XKR6: variants seen among roughly 807,000 people sequenced by gnomAD.
XKR6 encodes XK related 6.
Under a neutral mutation model 56.7 loss-of-function variants are expected in XKR6, and 22 were observed. The observed-to-expected ratio is 0.39, with a 90% CI of 0.28 to 0.55. The LOEUF (loss-of-function observed/expected upper bound fraction) is 0.55, where lower values mean the gene tolerates loss of function less well. Among genes scored for constraint, XKR6 ranks in the 20% least tolerant of loss-of-function variants. The pLI, the probability that XKR6 is intolerant of heterozygous loss-of-function variation, is 0.66. For synonymous variants in XKR6, 524 were observed against 387.8 expected (o/e 1.35, Z -4.13); for missense variants, 852 against 889.0 (o/e 0.96, Z 0.53).
intron 1 of XKR6, among the ~76,000 whole-genome samples, chr8:11,163,611 T>C (rs1298070440): frequency 6.6e-6 from 1 of 152,266 alleles, no homozygotes; most frequent in Non-Finnish European, 1.5e-5. Context: ...AAATATGCAC[T>C]GAATGTGGTC....
chr8:10,991,198 C>G (rs1490983290), intron 1 of XKR6, among the ~76,000 whole-genome samples: 1 of 152,134 alleles, frequency 6.6e-6, no homozygotes, highest in Non-Finnish European at 1.5e-5. Context: ...GCCACCCCAG[C>G]TGGGAATGTC....
intron 1 of XKR6, among the ~76,000 whole-genome samples, chr8:11,132,178 A>G (rs971254160): frequency 2.0e-5 from 3 of 152,056 alleles, no homozygotes; most frequent in African/African-American, 7.3e-5. Flanking sequence ...TACTTTGAAA[A>G]GCCTGATCTC....
intron 1 of XKR6, among the ~76,000 whole-genome samples, chr8:10,965,476 A>C (rs1315932118): frequency 6.6e-6 from 1 of 152,158 alleles, no homozygotes; most frequent in Non-Finnish European, 1.5e-5. Flanking sequence ...GTGCGCAGAG[A>C]ACATTTTGCT....
intron 1 of XKR6, among the ~76,000 whole-genome samples, chr8:11,053,354 G>A (rs978091638): frequency 1.3e-4 from 20 of 152,204 alleles, no homozygotes; most frequent in South Asian, 8.3e-4. Context: ...TCCCGTGAGC[G>A]GCCTGACTCC....
At chr8:10,921,903 G>A (rs566646135) in intron 2 of XKR6, among the ~76,000 whole-genome samples, 23 of 152,238 alleles carry the variant, frequency 1.5e-4, no homozygotes, top group Non-Finnish European at 3.4e-4. Context: ...TTGCCAGTGT[G>A]ATAGGATTAC....
intron 1 of XKR6, among the ~76,000 whole-genome samples, chr8:10,966,776 C>T (rs1802237229): frequency 6.6e-6 from 1 of 152,182 alleles, no homozygotes; most frequent in African/African-American, 2.4e-5. Flanking sequence ...GCCCAGGAAA[C>T]CAGGTTTTAA....
chr8:11,106,863 A>AAAG (rs60435831), intron 1 of XKR6, among the ~76,000 whole-genome samples: 1 of 109,902 alleles, frequency 9.1e-6, no homozygotes, highest in African/African-American at 4.6e-5. Context: ...AAAAAAAAAA[A>AAAG]AATAAAAAAG....
chr8:11,147,089 A>G (rs1333404818), intron 1 of XKR6, among the ~76,000 whole-genome samples: 1 of 151,776 alleles, frequency 6.6e-6, no homozygotes. Flanking sequence ...TCTTACCACA[A>G]AATTAATAAT....
chr8:11,173,079 T>G (rs962331380), intron 1 of XKR6, among the ~76,000 whole-genome samples: 3 of 151,788 alleles, frequency 2.0e-5, no homozygotes, highest in African/African-American at 7.3e-5. Flanking sequence ...CTCACGCCTG[T>G]AATCCCAGCA....
rs575843064 is a variant in XKR6 at position 11,188,983 on chromosome 8, A to C, written c.764+11593T>G. 2.5e-3 allele frequency among the ~76,000 whole-genome samples: 382 copies of C among 152,336 alleles called. 3 individuals are homozygous for C. Among genetic ancestry groups the C allele is most frequent in the Non-Finnish European group, 4.1e-3 (277 of 68,044 alleles). ...TGATGTGCCACACTAATATCTTACC[A>C]GTAAACACCATCCAACTCCCCCTCA... On this transcript the variant is annotated intron_variant, in intron 1 of 2. Transcript: ENST00000416569.
intron 1 of XKR6, among the ~76,000 whole-genome samples, chr8:11,148,792 T>G (rs1801121995): frequency 6.6e-6 from 1 of 152,202 alleles, no homozygotes; most frequent in African/African-American, 2.4e-5. Flanking sequence ...CATTAGCAGA[T>G]GAATGGACAA....
intron 1 of XKR6, among the ~76,000 whole-genome samples, chr8:11,141,359 G>A (rs1357030012): frequency 6.6e-6 from 1 of 152,110 alleles, no homozygotes; most frequent in Non-Finnish European, 1.5e-5. Flanking sequence ...AACTAATTAG[G>A]TTTAGATGAG....
At chr8:11,059,557 A>G (rs912023158) in intron 1 of XKR6, among the ~76,000 whole-genome samples, 7 of 151,890 alleles carry the variant, frequency 4.6e-5, no homozygotes, top group African/African-American at 1.7e-4. Flanking sequence ...GCGAGCGACA[A>G]GAGCTCGGCT....
rs184638981 is a variant in XKR6, at chr8:11,040,867, G to A, written c.765-116037C>T. Among the ~76,000 whole-genome samples the A allele has an allele frequency of 1.2e-4, 18 of 152,260 alleles. 1 individual carries two copies. Among genetic ancestry groups the A allele is most frequent in the Middle Eastern group, 3.4e-3 (1 of 294 alleles). ...GTAAAACAGAATCATTGCTTGTAGC[G>A]TCTCTCTCACAGGGGCAACTCAGGG... On this transcript the variant is annotated intron_variant, in intron 1 of 2. Coordinates refer to ENST00000416569, the MANE Select transcript of XKR6 (RefSeq NM_173683.4).
chr8:10,974,871 G>A (rs141254627), intron 1 of XKR6, among the ~76,000 whole-genome samples: 3 of 152,326 alleles, frequency 2.0e-5, no homozygotes, highest in South Asian at 2.1e-4. Flanking sequence ...AAGGTGAAAA[G>A]GTTCTGTAGA....
intron 1 of XKR6, among the ~76,000 whole-genome samples, chr8:11,130,371 A>G (rs1315965889): frequency 6.6e-6 from 1 of 152,128 alleles, no homozygotes; most frequent in Non-Finnish European, 1.5e-5. Context: ...CCATATCTAC[A>G]CTAAGCCACG....
chr8:11,028,249 G>A (rs993101823), intron 1 of XKR6, among the ~76,000 whole-genome samples: 1 of 152,056 alleles, frequency 6.6e-6, no homozygotes, highest in Non-Finnish European at 1.5e-5. Flanking sequence ...CTTCACTTAG[G>A]AATAGGTTCT....
chr8:10,913,641 G>C (rs1217217459), intron 2 of XKR6, among the ~76,000 whole-genome samples: 2 of 152,222 alleles, frequency 1.3e-5, no homozygotes, highest in Non-Finnish European at 2.9e-5. Flanking sequence ...CTCAGGGATG[G>C]GGAGGGACCT....
At chr8:11,004,921 G>T (rs918529898) in intron 1 of XKR6, among the ~76,000 whole-genome samples, 3 of 152,130 alleles carry the variant, frequency 2.0e-5, no homozygotes, top group African/African-American at 7.2e-5. Context: ...TATGCTAAAT[G>T]AAATCAGCCA....
Sources: gnomAD v4.1 joint callset for allele counts (sites outside exome capture counted in the v4.1 genomes callset) on GRCh38, gnomAD v4.1.1 for gene constraint, MANE v1.5 for transcripts, NCBI Gene and HGNC (gene_info 2026-07-23, HGNC 2026-07-21) for gene names.